Variants in MICU1 observed in about 807,000 individuals in gnomAD.
MICU1 encodes the protein mitochondrial calcium uptake 1.
In MICU1, 45 loss-of-function variants were observed where a neutral mutation model predicts 56.8. That is an observed-to-expected ratio of 0.79 (90% CI 0.62 to 1.02). The LOEUF is 1.02. MICU1 is among the 50% of genes least tolerant of loss of function. The pLI is 0.00. For synonymous variants in MICU1, 186 were observed against 195.1 expected (o/e 0.95, Z 0.39); for missense variants, 504 against 587.1 (o/e 0.86, Z 1.46).
At chr10:72,451,727 G>C (rs1273420712) in intron 8 of MICU1, among the ~76,000 whole-genome samples, 2 of 152,072 alleles carry the variant, frequency 1.3e-5, no homozygotes, top group Non-Finnish European at 2.9e-5. Context: ...ATTTTTTATA[G>C]AGACAGGGTC....
intron 8 of MICU1, among the ~76,000 whole-genome samples, chr10:72,459,114 T>C (rs1865570722): frequency 6.6e-6 from 1 of 152,062 alleles, no homozygotes; most frequent in Non-Finnish European, 1.5e-5. Context: ...GTGGATCTCT[T>C]GAGGTCAAGA....
intron 1 of MICU1, among the ~76,000 whole-genome samples, chr10:72,623,834 G>A (rs751583477): frequency 3.9e-5 from 6 of 151,922 alleles, no homozygotes; most frequent in African/African-American, 9.7e-5. Flanking sequence ...ATGAGACTCC[G>A]TCCCCACCCC....
At chr10:72,591,437 C>T (rs531225384) in intron 1 of MICU1, among the ~76,000 whole-genome samples, 5 of 151,576 alleles carry the variant, frequency 3.3e-5, no homozygotes, top group South Asian at 4.2e-4. Flanking sequence ...AAACCAAAAG[C>T]TGGTTATTTG....
Position 72,368,318 on chromosome 10 carries a change from G to A in MICU1, c.1308C>T (p.Ile436=). The A allele has an allele frequency of 6.2e-7, 1 of 1,614,022 alleles. No homozygotes were observed. The part of the protein sequence containing the change: ...GELSNKEFVS[I]MKQRLMRGLE... ...GGCCTCTCATCAGCCGTTGCTTCAT[G>A]ATGGAAACAAATTCCTTATTGCTCA... The change falls in exon 12 of 12, where the codon ATC becomes ATT. Residue 436 remains isoleucine (I), a synonymous_variant. Coordinates refer to ENST00000361114, the MANE Select transcript of MICU1 (RefSeq NM_001195518.2).
intron 1 of MICU1, among the ~76,000 whole-genome samples, chr10:72,589,167 TA>T (rs1219827464): frequency 6.6e-6 from 1 of 151,988 alleles, no homozygotes; most frequent in Non-Finnish European, 1.5e-5. Context: ...CAGGCGCCTG[TA>T]ATCCCAGCTA....
At chr10:72,507,806 T>C (rs943992637) in intron 6 of MICU1, among the ~76,000 whole-genome samples, 6 of 151,990 alleles carry the variant, frequency 3.9e-5, no homozygotes, top group African/African-American at 1.4e-4. Flanking sequence ...TTTGTAGAGA[T>C]GGGGTTTCAC....
At chr10:72,531,004 T>C (rs987039053) in intron 5 of MICU1, among the ~76,000 whole-genome samples, 10 of 152,228 alleles carry the variant, frequency 6.6e-5, no homozygotes, top group African/African-American at 2.4e-4. Flanking sequence ...TATTTGTTCT[T>C]ACTTTCAATG....
At chr10:72,610,271 A>AAG (rs1485786562) in intron 1 of MICU1, among the ~76,000 whole-genome samples, 1 of 151,568 alleles carries the variant, frequency 6.6e-6, no homozygotes, top group Non-Finnish European at 1.5e-5. Context: ...AAAAAAAAAA[A>AAG]AAATAGTAAA....
chr10:72,413,531 G>A (rs559063127), intron 9 of MICU1, among the ~76,000 whole-genome samples: 149 of 152,204 alleles, frequency 9.8e-4, no homozygotes, highest in African/African-American at 3.4e-3. Context: ...TTGGATGTTC[G>A]AGACCAGCCT....
chr10:72,543,479 G>T (rs940216279), intron 4 of MICU1, among the ~76,000 whole-genome samples: 1 of 150,902 alleles, frequency 6.6e-6, no homozygotes, highest in Admixed American at 6.6e-5. Context: ...TTCCAGATCA[G>T]CCTGGGCAAC....
chr10:72,552,702 C>T (rs1178361013), intron 3 of MICU1, among the ~76,000 whole-genome samples: 1 of 151,968 alleles, frequency 6.6e-6, no homozygotes, highest in Non-Finnish European at 1.5e-5. Flanking sequence ...TTACAGGTGC[C>T]GGCCATCACG....
At chr10:72,525,712 A>G (rs1222882506) in intron 5 of MICU1, among the ~76,000 whole-genome samples, 2 of 152,206 alleles carry the variant, frequency 1.3e-5, no homozygotes, top group Non-Finnish European at 2.9e-5. Context: ...CCTTTCTTAA[A>G]CTGAGTAAAG....
At chr10:72,533,402 G>T (rs1839543501) in intron 5 of MICU1, among the ~76,000 whole-genome samples, 1 of 152,104 alleles carries the variant, frequency 6.6e-6, no homozygotes, top group Non-Finnish European at 1.5e-5. Context: ...GTCTGAGAAA[G>T]GTCAAATCAG....
chr10:72,575,060 TTCTC>T (rs377486224), intron 1 of MICU1, among the ~76,000 whole-genome samples: 2 of 152,150 alleles, frequency 1.3e-5, no homozygotes, highest in African/African-American at 2.4e-5. Flanking sequence ...GTTCTGTCTT[TTCTC>T]TCTCTCTCAA....
intron 4 of MICU1, among the ~76,000 whole-genome samples, chr10:72,539,935 C>T (rs1282880578): frequency 1.3e-5 from 2 of 152,132 alleles, no homozygotes; most frequent in Non-Finnish European, 2.9e-5. Flanking sequence ...GAGGAATGTA[C>T]TCTATGGGCT....
intron 8 of MICU1, among the ~76,000 whole-genome samples, chr10:72,471,187 C>T (rs932349721): frequency 1.6e-4 from 24 of 152,262 alleles, no homozygotes; most frequent in African/African-American, 5.8e-4. Flanking sequence ...CCGGTTCAAG[C>T]GATTCCCCTG....
chr10:72,599,854 G>A (rs942147908), intron 1 of MICU1, among the ~76,000 whole-genome samples: 1 of 152,166 alleles, frequency 6.6e-6, no homozygotes, highest in East Asian at 1.9e-4. Context: ...TACCCTGGTA[G>A]ACTTCATTAG....
chr10:72,408,583 A>G (rs1195573420), intron 9 of MICU1, among the ~76,000 whole-genome samples: 1 of 152,216 alleles, frequency 6.6e-6, no homozygotes, highest in Non-Finnish European at 1.5e-5. Flanking sequence ...TGCTGGGATT[A>G]CAGGTCTGAG....
intron 2 of MICU1, among the ~76,000 whole-genome samples, chr10:72,564,978 T>C (rs936718706): frequency 6.6e-6 from 1 of 152,036 alleles, no homozygotes; most frequent in Non-Finnish European, 1.5e-5. Context: ...GCTATATTAA[T>C]AGGGCTAAGA....
Sources: gnomAD v4.1 joint callset for allele counts (sites outside exome capture counted in the v4.1 genomes callset) on GRCh38, gnomAD v4.1.1 for gene constraint, MANE v1.5 for transcripts, NCBI Gene and HGNC (gene_info 2026-07-23, HGNC 2026-07-21) for gene names.